TENT5B: variants seen among roughly 807,000 people sequenced by gnomAD.
TENT5B encodes family with sequence similarity 46 member B.
In TENT5B, 12 loss-of-function variants were observed where a neutral mutation model predicts 21.7. The ratio of observed to expected loss-of-function variants is 0.55; its 90% CI spans 0.36 to 0.90. The LOEUF (loss-of-function observed/expected upper bound fraction) is 0.90. TENT5B is among the 40% of genes least tolerant of loss of function. The pLI, the probability that TENT5B is intolerant of heterozygous loss-of-function variation, is 0.01. For synonymous variants in TENT5B, 262 were observed against 266.6 expected (o/e 0.98, Z 0.17); for missense variants, 540 against 601.5 (o/e 0.90, Z 1.07).
Position 27,006,351 on chromosome 1 carries a change from G to C in TENT5B, c.871C>G (p.Arg291Gly), listed in dbSNP as rs750538687. ...KYCHLLVRGF[R>G]PRPSTDVRAL... The stretch of plus-strand genomic sequence containing the variant: ...CGCACATCGGTGCTGGGCCGGGGCC[G>C]GAAGCCCCGCACCAGGAGGTGGCAG... The change falls in exon 2 of 2, where the codon CGG (arginine) becomes GGG (glycine). Residue 291 changes from arginine to glycine, a missense_variant. Transcript: ENST00000289166. The surrounding 1 kb of genome is among the most constrained non-coding windows in gnomAD (Gnocchi z 9.4). The C allele has an allele frequency of 1.2e-6, 2 of 1,610,926 alleles. No homozygotes were observed. The highest frequency in any genetic ancestry group is 2.2e-5 in the South Asian group (2 of 90,918).
In TENT5B at chr1:27,006,569, G is replaced by C; in HGVS notation, c.653C>G (p.Ser218Cys). ...VRRQFEFSID[S>C]FQIILDSLLL... ...CAGGGAGTCCAGGATGATCTGGAAG[G>C]AGTCTATGCTGAATTCAAACTGGCG... The change falls in exon 2 of 2, where the codon TCC becomes TGC. Residue 218 changes from serine to cysteine, a missense_variant. Transcript: ENST00000289166. The surrounding 1 kb of genome is among the most constrained non-coding windows in gnomAD (Gnocchi z 9.4). 1 of 1,614,170 alleles carries C rather than the reference G, an allele frequency of 6.2e-7. No homozygotes were observed. The highest frequency in any genetic ancestry group is 8.5e-7 in the Non-Finnish European group (1 of 1,180,040).
chr1:27,011,334 G>C (rs1179321793), intron 1 of TENT5B, among the ~76,000 whole-genome samples: 1 of 152,182 alleles, frequency 6.6e-6, no homozygotes, highest in Non-Finnish European at 1.5e-5. Flanking sequence ...TCCAAAGGAA[G>C]CCATCAGTTG....
Position 27,006,478 on chromosome 1 carries a change from T to C in TENT5B, c.744A>G (p.Glu248=). 1 of 1,614,024 alleles carries C rather than the reference T, an allele frequency of 6.2e-7. No individual in the cohort carries two copies. The highest frequency in any genetic ancestry group is 8.5e-7 in the Non-Finnish European group (1 of 1,180,006). The change falls in exon 2 of 2, where the codon GAA becomes GAG. Residue 248 remains glutamate, a synonymous_variant. Coordinates refer to ENST00000289166, the MANE Select transcript of TENT5B (RefSeq NM_052943.4). The surrounding 1 kb of genome is among the most constrained non-coding windows in gnomAD (Gnocchi z 9.4). ...SEAFHPTVTG[E]SLYGDFTEAL... ...CCTCGGTGAAGTCCCCGTACAGGCTTTCGCCTGTGACCGTTGGGTGGAAGG... is the reference window on the plus strand; with the variant it reads ...CCTCGGTGAAGTCCCCGTACAGGCTCTCGCCTGTGACCGTTGGGTGGAAGG...
chr1:27,007,005 G>A lies in TENT5B; in HGVS notation c.265-48C>T. The stretch of plus-strand genomic sequence containing the variant: ...GAGGTGTCAGGAGCGGGCCTCAGGG[G>A]TCCACCAAGGACTTCCGTTTACTTA... On this transcript the variant is annotated intron_variant, in intron 1 of 1. Coordinates refer to ENST00000289166, the MANE Select transcript of TENT5B (RefSeq NM_052943.4). The A allele has an allele frequency of 4.0e-6, 6 of 1,510,038 alleles. No homozygotes were observed. The South Asian group carries it at 7.9e-5, about 20-fold the overall frequency. 93.5% of individuals were successfully genotyped at this position (1,510,038 alleles called of 1,614,324 possible).
At chr1:27,011,476 T>G (rs1408821553) in intron 1 of TENT5B, among the ~76,000 whole-genome samples, 1 of 152,220 alleles carries the variant, frequency 6.6e-6, no homozygotes, top group Non-Finnish European at 1.5e-5. Context: ...AATCTGCTCC[T>G]GGGAAGACCC....
At position 27,006,070 on chromosome 1, in the gene TENT5B, G is replaced by A. The variant is rs1487652320; in HGVS notation, c.1152C>T (p.Ala384=). The A allele has an allele frequency of 1.2e-6, 2 of 1,611,072 alleles. No homozygotes were observed. Among genetic ancestry groups the A allele is most frequent in the Non-Finnish European group, 1.7e-6 (2 of 1,178,666 alleles). Residue 384 remains alanine, a synonymous_variant, in exon 2 of 2, where the codon GCC becomes GCT. Transcript: ENST00000289166. This position sits in a 1 kb window ranked among gnomAD's most constrained non-coding sequence, Gnocchi z 9.4. The stretch of plus-strand genomic sequence containing the variant: ...GAGGGCGCCAGGCCAGGGCGGCAGT[G>A]GCAGCTGGGCCCTGCTCAGCCAGTG... The part of the protein sequence containing the change: ...LQALAEQGPA[A]TAALAWRPPG...
chr1:27,012,746 C>A lies in TENT5B; in HGVS notation c.-76G>T, dbSNP rs1004507533. 9.4e-6 allele frequency: 13 copies of A among 1,388,938 alleles called. No individual in the cohort carries two copies. Among genetic ancestry groups the A allele is most frequent in the Non-Finnish European group, 1.2e-5 (13 of 1,079,658 alleles). The allele number at this position is 1,388,938 out of a possible 1,614,324, so 86.0% of individuals were successfully genotyped here. ...GAGGAGGACAGGGAGAGCGGCTGGG[C>A]AGGGGCCAAGGCGGGGGGCACGAAG... On this transcript the variant is annotated 5_prime_UTR_variant, in exon 1 of 2. Coordinates refer to ENST00000289166, the MANE Select transcript of TENT5B (RefSeq NM_052943.4).
At chr1:27,008,322 C>T (rs1276437233) in intron 1 of TENT5B, among the ~76,000 whole-genome samples, 5 of 152,186 alleles carry the variant, frequency 3.3e-5, no homozygotes, top group African/African-American at 1.2e-4. Flanking sequence ...GGCTGTTCTC[C>T]TTGCCTCCCA....
At chr1:27,011,296 G>A (rs762513606) in intron 1 of TENT5B, among the ~76,000 whole-genome samples, 2 of 152,182 alleles carry the variant, frequency 1.3e-5, no homozygotes, top group Non-Finnish European at 2.9e-5. Flanking sequence ...AGCCAAGGTA[G>A]TAGGAGGCAG....
chr1:27,007,037 TA>T (rs1407796861), intron 1 of TENT5B, 80 bp from the exon 2 acceptor site: 2 of 1,271,274 alleles, frequency 1.6e-6, no homozygotes, highest in African/African-American at 3.2e-5. Context: ...CTTATCACGG[TA>T]ACTTCAACCA....
Position 27,005,810 on chromosome 1 carries a change from C to A in TENT5B, c.*134G>T. ...CGTGCTCGGGAAAGTCTGGTCTGTT[C>A]AATCAAAGGCCCAACCCTGCAGTGC... On this transcript the variant is annotated 3_prime_UTR_variant, in exon 2 of 2. Coordinates refer to ENST00000289166, the MANE Select transcript of TENT5B (RefSeq NM_052943.4). 1 of 1,260,512 alleles carries A rather than the reference C, an allele frequency of 7.9e-7. No individual in the cohort carries two copies. Among genetic ancestry groups the A allele is most frequent in the Non-Finnish European group, 1.1e-6 (1 of 928,140 alleles). 78.1% of individuals were successfully genotyped at this position (1,260,512 alleles called of 1,614,324 possible). A position where few individuals can be genotyped will look rare whatever the true frequency, so the allele number is the denominator to read the frequency against.
At position 27,006,359 on chromosome 1, in the gene TENT5B, C is replaced by G. The variant is rs1255971597; in HGVS notation, c.863G>C (p.Arg288Pro). 3.1e-6 allele frequency: 5 copies of G among 1,611,394 alleles called. No homozygotes were observed. Among genetic ancestry groups the G allele is most frequent in the Non-Finnish European group, 4.2e-6 (5 of 1,178,820 alleles). ...GLLKYCHLLV[R>P]GFRPRPSTDV... The stretch of plus-strand genomic sequence containing the variant: ...GGTGCTGGGCCGGGGCCGGAAGCCC[C>G]GCACCAGGAGGTGGCAGTACTTGAG... Residue 288 changes from arginine to proline, a missense_variant, in exon 2 of 2, where the codon CGG becomes CCG. Transcript: ENST00000289166. The surrounding 1 kb of genome is among the most constrained non-coding windows in gnomAD (Gnocchi z 9.4).
In TENT5B at chr1:27,005,618, G is replaced by A. The variant is rs541086428; in HGVS notation, c.*326C>T. 11 of 343,208 alleles carry A rather than the reference G, an allele frequency of 3.2e-5. No homozygotes were observed. The highest frequency in any genetic ancestry group is 2.3e-4 in the African/African-American group (11 of 47,568). The allele number at this position is 343,208 out of a possible 1,614,324, so 21.3% of individuals were successfully genotyped here. On this transcript the variant is annotated 3_prime_UTR_variant, in exon 2 of 2. Coordinates refer to ENST00000289166, the MANE Select transcript of TENT5B (RefSeq NM_052943.4). ...ACCATGGGAATCAATCCAAGGTGCT[G>A]GGCATTAAGGCTACCACCCCAAACT...
chr1:27,009,426 C>A lies in TENT5B; in HGVS notation c.265-2469G>T, dbSNP rs367551593. On this transcript the variant is annotated intron_variant, in intron 1 of 1. Coordinates refer to ENST00000289166, the MANE Select transcript of TENT5B (RefSeq NM_052943.4). ...GGTTCAGAAGGAGCAGACTAGTGTT[C>A]TAATCCACCTTCCCTTTCTAAATTT... Among the ~76,000 whole-genome samples, 6 of 152,308 alleles carry A rather than the reference C, an allele frequency of 3.9e-5. No individual in the cohort carries two copies. The East Asian group carries it at 7.7e-4, about 20-fold the overall frequency.
Position 27,005,104 on chromosome 1 carries a change from T to C in TENT5B, c.*840A>G, listed in dbSNP as rs1462487552. On this transcript the variant is annotated 3_prime_UTR_variant, in exon 2 of 2. Transcript: ENST00000289166. ...GGGAATACGCAAGGGGGTGGGAGTA[T>C]GGCTCCCCTACCCCATGTGAGAGCC... 22 of 152,640 alleles carry C rather than the reference T, an allele frequency of 1.4e-4. No homozygotes were observed. The highest frequency in any genetic ancestry group is 1.4e-3 in the Admixed American group (22 of 15,282). The allele number at this position is 152,640 out of a possible 1,614,324, so 9.5% of individuals were successfully genotyped here.
Position 27,005,936 on chromosome 1 carries a change from G to T in TENT5B, c.*8C>A. The T allele has an allele frequency of 6.5e-7, 1 of 1,545,306 alleles. No individual in the cohort carries two copies. The highest frequency in any genetic ancestry group is 8.8e-7 in the Non-Finnish European group (1 of 1,142,542). The stretch of plus-strand genomic sequence containing the variant: ...GCCCAGTCCCTTCCCTTCTGGCCAG[G>T]GTCTGAGTCAGTTACAAGGCAGCCA... On this transcript the variant is annotated 3_prime_UTR_variant, in exon 2 of 2. Coordinates refer to ENST00000289166, the MANE Select transcript of TENT5B (RefSeq NM_052943.4).
chr1:27,006,298 G>A lies in TENT5B; in HGVS notation c.924C>T (p.Arg308=). The A allele has an allele frequency of 6.2e-7, 1 of 1,611,928 alleles. No homozygotes were observed. Among genetic ancestry groups the A allele is most frequent in the South Asian group, 1.1e-5 (1 of 91,006 alleles). Residue 308 remains arginine, a synonymous_variant, in exon 2 of 2, where the codon CGC becomes CGT. Coordinates refer to ENST00000289166, the MANE Select transcript of TENT5B (RefSeq NM_052943.4). The surrounding 1 kb of genome is among the most constrained non-coding windows in gnomAD (Gnocchi z 9.4). ...CCAGGTCTGGAAAGTCGATGAAGAA[G>A]CGGGAGCACATGTAGCGCTGCAGGG... ...VRALQRYMCS[R]FFIDFPDLVE...
chr1:27,010,776 C>A (rs140035881), intron 1 of TENT5B, among the ~76,000 whole-genome samples: 269 of 152,356 alleles, frequency 1.8e-3, no homozygotes, highest in Middle Eastern at 3.4e-3. Context: ...AAGGACATGG[C>A]ACCACCATTG....
At chr1:27,011,267 A>G (rs550193873) in intron 1 of TENT5B, among the ~76,000 whole-genome samples, 1 of 151,648 alleles carries the variant, frequency 6.6e-6, no homozygotes, top group African/African-American at 2.4e-5. Context: ...CCAGCAGGCA[A>G]CCCTCCCCCT....
Sources: gnomAD v4.1 joint callset for allele counts (sites outside exome capture counted in the v4.1 genomes callset) on GRCh38, gnomAD v4.1.1 for gene constraint, Gnocchi (gnomAD v3.1) non-coding constraint, MANE v1.5 for transcripts, NCBI Gene and HGNC (gene_info 2026-07-23, HGNC 2026-07-21) for gene names.